Variants in LTB observed in about 807,000 individuals in gnomAD.
LTB encodes lymphotoxin-beta.
A neutral mutation model predicts 14.7 loss-of-function variants in LTB; 17 were observed. The observed-to-expected ratio is 1.16, with a 90% CI of 0.79 to 1.73. LTB has a LOEUF of 1.73. Ranked by LOEUF, LTB falls within the 40% of genes most tolerant of loss-of-function variation. LTB has a pLI of 0.00. For synonymous variants in LTB, 163 were observed against 157.3 expected (o/e 1.04, Z -0.27); for missense variants, 288 against 324.3 (o/e 0.89, Z 0.86).
intron 2 of LTB, 55 bp from the exon 3 acceptor site, chr6:31,581,685 A>G (rs2150394693): frequency 1.3e-6 from 2 of 1,590,144 alleles, no homozygotes; most frequent in South Asian, 1.1e-5. Context: ...CATGCAGGCT[A>G]CCCTTGAGAG....
At position 31,580,850 on chromosome 6, in the gene LTB, C is replaced by G. The variant is rs754534730; in HGVS notation, c.594G>C (p.Gly198=). 1 of 1,611,438 alleles carries G rather than the reference C, an allele frequency of 6.2e-7. No individual in the cohort carries two copies. Among genetic ancestry groups the G allele is most frequent in the Non-Finnish European group, 8.5e-7 (1 of 1,179,350 alleles). Residue 198 remains glycine (G), a synonymous_variant, in exon 4 of 4, where the codon GGG becomes GGC. Coordinates refer to ENST00000429299, the MANE Select transcript of LTB (RefSeq NM_002341.2). This position sits in a 1 kb window ranked among gnomAD's most constrained non-coding sequence, Gnocchi z 6.6. ...VLDPARRQGY[G]PLWYTSVGFG... is the part of the protein sequence containing the mutation. ...ACCCCACGCTCGTGTACCAGAGAGG[C>G]CCGTACCCTTGTCTCCTGGCCGGGT...
chr6:31,581,112 G>C lies in LTB; in HGVS notation c.332C>G (p.Ala111Gly). Reference protein sequence around the residue: ...GLGWETTKEQAFLTSGTQFSD... With the variant: ...GLGWETTKEQGFLTSGTQFSD... Reference sequence around the variant, plus strand: ...GAACTGCGTCCCGCTCGTCAGAAACGCCTGTTCCTTCGTCGTCTCCCAGCC... The same window carrying C: ...GAACTGCGTCCCGCTCGTCAGAAACCCCTGTTCCTTCGTCGTCTCCCAGCC... The change falls in exon 4 of 4, where the codon GCG (alanine) becomes GGG (glycine). Residue 111 changes from alanine to glycine, a missense_variant. Transcript: ENST00000429299. 6.3e-7 allele frequency: 1 copy of C among 1,597,296 alleles called. No homozygotes were observed. Among genetic ancestry groups the C allele is most frequent in the Non-Finnish European group, 8.5e-7 (1 of 1,173,960 alleles).
Position 31,580,960 on chromosome 6 carries a change from A to T in LTB, c.484T>A (p.Ser162Thr), listed in dbSNP as rs1312207810. ...PQGRSVTLRS[S>T]LYRAGGAYGP... ...TAGGCGCCCCCCGCCCGGTACAGAG[A>T]GCTGCGCAGCGTGACCGAGCGGCCC... The change falls in exon 4 of 4, where the codon TCT becomes ACT. Residue 162 changes from serine (S) to threonine (T), a missense_variant. Transcript: ENST00000429299. This position sits in a 1 kb window ranked among gnomAD's most constrained non-coding sequence, Gnocchi z 6.6. 1 of 1,568,456 alleles carries T rather than the reference A, an allele frequency of 6.4e-7. No individual in the cohort carries two copies. Among genetic ancestry groups the T allele is most frequent in the East Asian group, 2.4e-5 (1 of 42,042 alleles).
At position 31,581,821 on chromosome 6, in the gene LTB, T is replaced by G. The variant is rs1290612702; in HGVS notation, c.201A>C (p.Gln67His). Reference sequence around the variant, plus strand: ...GAGACAGTCTGCTCTTACCCAGTCCTTGCTGGGCCTGTGCCCCGGGGTCGG... The same window carrying G: ...GAGACAGTCTGCTCTTACCCAGTCCGTGCTGGGCCTGTGCCCCGGGGTCGG... Reference protein sequence around the residue: ...ETADPGAQAQQGLGFQKLPEE... With the variant: ...ETADPGAQAQHGLGFQKLPEE... The change falls in exon 2 of 4, where the codon CAA becomes CAC. Residue 67 changes from glutamine to histidine, a missense_variant. Around this residue, in one of 2 missense-constraint regions of LTB, gnomAD observed 284 missense variants for 299.2 expected, o/e 0.95. Transcript: ENST00000429299. The G allele has an allele frequency of 6.2e-7, 1 of 1,607,874 alleles. No homozygotes were observed. The highest frequency in any genetic ancestry group is 8.5e-7 in the Non-Finnish European group (1 of 1,177,928).
chr6:31,581,946 T>A lies in LTB; in HGVS notation c.163-87A>T, dbSNP rs543806412. ...TGAAAGTGGACCCAAGCTGCAGGCCTGGGGTTTCTCCTACCAGCACCATCC... is the reference window on the plus strand; with the variant it reads ...TGAAAGTGGACCCAAGCTGCAGGCCAGGGGTTTCTCCTACCAGCACCATCC... On this transcript the variant is annotated intron_variant, in intron 1 of 3. Coordinates refer to ENST00000429299, the MANE Select transcript of LTB (RefSeq NM_002341.2). 24 of 1,371,346 alleles carry A rather than the reference T, an allele frequency of 1.8e-5. No homozygotes were observed. The African/African-American group carries it at 3.2e-4, about 18-fold the overall frequency. The allele number at this position is 1,371,346 out of a possible 1,614,324, so 84.9% of individuals were successfully genotyped here.
chr6:31,580,754 G>A lies in LTB; in HGVS notation c.690C>T (p.Asp230=). ...CAAAGAAGGTCTTCCCTCTCGCGAA[G>A]TCCACCATATCGGGGTGACTGATGT... ...YVNISHPDMV[D]FARGKTFFGA... Residue 230 remains aspartate, a synonymous_variant, in exon 4 of 4, where the codon GAC becomes GAT. Coordinates refer to ENST00000429299, the MANE Select transcript of LTB (RefSeq NM_002341.2). The surrounding 1 kb of genome is among the most constrained non-coding windows in gnomAD (Gnocchi z 6.6). 2 of 1,612,914 alleles carry A rather than the reference G, an allele frequency of 1.2e-6. No homozygotes were observed. The highest frequency in any genetic ancestry group is 1.7e-6 in the Non-Finnish European group (2 of 1,179,922).
intron 3 of LTB, 37 bp downstream of exon 3, chr6:31,581,522 T>G (rs1334374316): frequency 6.3e-7 from 1 of 1,589,038 alleles, no homozygotes; most frequent in Middle Eastern, 1.7e-4. Flanking sequence ...AACCTTCGGA[T>G]TATTTACACT....
chr6:31,582,106 G>A lies in LTB; in HGVS notation c.162+150C>T, dbSNP rs1183737727. On this transcript the variant is annotated intron_variant, in intron 1 of 3. Coordinates refer to ENST00000429299, the MANE Select transcript of LTB (RefSeq NM_002341.2). Reference sequence around the variant, plus strand: ...CACAAGCACAACATCACAGGAACATGGAAAGAGAGTCAGCAAAGAGACAAG... The same window carrying A: ...CACAAGCACAACATCACAGGAACATAGAAAGAGAGTCAGCAAAGAGACAAG... 6 of 945,950 alleles carry A rather than the reference G, an allele frequency of 6.3e-6. No individual in the cohort carries two copies. The Admixed American group carries it at 6.8e-5, about 11-fold the overall frequency. The allele number at this position is 945,950 out of a possible 1,614,324, so 58.6% of individuals were successfully genotyped here.
intron 2 of LTB, 24 bp downstream of exon 2, chr6:31,581,790 G>A (rs774369588): frequency 1.2e-6 from 2 of 1,612,326 alleles, no homozygotes; most frequent in African/African-American, 1.3e-5. Flanking sequence ...CTGAAGCGGG[G>A]AAGGAGAGAC....
rs1771410373 is a variant in LTB, at chr6:31,580,616, CCAAA to C, written c.*89_*92del. Reference sequence around the variant, plus strand: ...TTTTCATCAGGTTCAAAATCAATTTCCAAACAGTCTCCTACATTTTTCCCACTGC... The same window carrying C: ...TTTTCATCAGGTTCAAAATCAATTTCCAGTCTCCTACATTTTTCCCACTGC... On this transcript the variant is annotated 3_prime_UTR_variant, in exon 4 of 4. Coordinates refer to ENST00000429299, the MANE Select transcript of LTB (RefSeq NM_002341.2). The surrounding 1 kb of genome is among the most constrained non-coding windows in gnomAD (Gnocchi z 6.6). 3.4e-6 allele frequency: 4 copies of C among 1,173,522 alleles called. No homozygotes were observed. Among genetic ancestry groups the C allele is most frequent in the East Asian group, 2.4e-5 (1 of 41,970 alleles). 72.7% of individuals were successfully genotyped at this position (1,173,522 alleles called of 1,614,324 possible).
intron 2 of LTB, 73 bp from the exon 3 acceptor site, chr6:31,581,703 C>G: frequency 6.3e-7 from 1 of 1,594,244 alleles, no homozygotes; most frequent in Non-Finnish European, 8.6e-7. Flanking sequence ...GAGAACAGGG[C>G]GCAGGGATGG....
intron 1 of LTB, 37 bp from the exon 2 acceptor site, chr6:31,581,896 T>C (rs1166248275): frequency 6.5e-7 from 1 of 1,548,074 alleles, no homozygotes; most frequent in African/African-American, 1.4e-5. Flanking sequence ...GAGTTCAGAT[T>C]CAGCTCATGT....
At chr6:31,581,414 A>G in intron 3 of LTB, 145 bp downstream of exon 3, 1 of 849,818 alleles carries the variant, frequency 1.2e-6, no homozygotes. Flanking sequence ...TGCGGGGACG[A>G]GCGTAAGAGT....
intron 3 of LTB, 142 bp downstream of exon 3, chr6:31,581,417 G>C (rs903024554): frequency 1.5e-5 from 13 of 871,340 alleles, no homozygotes; most frequent in Admixed American, 9.9e-5. Context: ...GGGGACGAGC[G>C]TAAGAGTGGG....
At chr6:31,581,308 T>G in intron 3 of LTB, 145 bp from the exon 4 acceptor site, 1 of 807,766 alleles carries the variant, frequency 1.2e-6, no homozygotes, top group Non-Finnish European at 1.9e-6. Flanking sequence ...GAGTGCGAGT[T>G]GGGGGCCGAG....
Position 31,581,606 on chromosome 6 carries a change from T to A in LTB, c.233A>T (p.Glu78Val). The change falls in exon 3 of 4, where the codon GAG becomes GTG. Residue 78 changes from glutamate to valine, a missense_variant. Glu to Val is a moderately radical substitution (Grantham distance 121). Transcript: ENST00000429299. ...GLGFQKLPEEEPETDLSPGLP... is the reference protein window; with the variant it reads ...GLGFQKLPEEVPETDLSPGLP... ...CCCGGGGCTGAGATCTGTTTCTGGC[T>A]CCTCCTCTGGCAGCTTCTGAAACCC... is the stretch of plus-strand genomic sequence containing the variant. The A allele has an allele frequency of 1.2e-6, 2 of 1,612,772 alleles. No homozygotes were observed. Among genetic ancestry groups the A allele is most frequent in the Non-Finnish European group, 1.7e-6 (2 of 1,179,918 alleles).
chr6:31,581,724 T>C, intron 2 of LTB, 90 bp downstream of exon 2: 2 of 1,601,194 alleles, frequency 1.2e-6, no homozygotes, highest in Non-Finnish European at 8.6e-7. Flanking sequence ...GGAGCCTGGA[T>C]TCCTAGAGGA....
Position 31,582,406 on chromosome 6 carries a change from C to T in LTB, c.12G>A (p.Leu4=), listed in dbSNP as rs1389613636. The part of the protein sequence containing the change: MGA[L]GLEGRGGRLQ... ...GCCTCCCACCCCTGCCCTCCAGCCC[C>T]AGTGCCCCCATTGAGACTGAACCAG... The change falls in exon 1 of 4, where the codon CTG becomes CTA. Residue 4 remains leucine, a synonymous_variant. Coordinates refer to ENST00000429299, the MANE Select transcript of LTB (RefSeq NM_002341.2). The T allele has an allele frequency of 6.2e-7, 1 of 1,612,398 alleles. No individual in the cohort carries two copies. Among genetic ancestry groups the T allele is most frequent in the Admixed American group, 1.7e-5 (1 of 60,008 alleles).
intron 2 of LTB, 41 bp downstream of exon 2, chr6:31,581,773 T>G (rs545155588): frequency 6.2e-7 from 1 of 1,611,416 alleles, no homozygotes; most frequent in African/African-American, 1.3e-5. Flanking sequence ...TGGGAGCCCC[T>G]GAGGGTCTGA....
Sources: gnomAD v4.1 joint callset for allele counts on GRCh38, gnomAD v4.1.1 for gene constraint, gnomAD v4.1.1 regional missense constraint, Gnocchi (gnomAD v3.1) non-coding constraint, MANE v1.5 for transcripts, NCBI Gene and HGNC (gene_info 2026-07-23, HGNC 2026-07-21) for gene names.